Variants in LAMA2 observed in about 807,000 individuals in gnomAD.
LAMA2 encodes the protein laminin subunit alpha-2.
LAMA2 carries 269 observed loss-of-function variants against 364.8 expected under a neutral mutation model. That is an observed-to-expected ratio of 0.74 (90% CI 0.67 to 0.82). LAMA2 has a LOEUF of 0.82. Ranked by LOEUF, LAMA2 falls within the 40% of genes least tolerant of loss-of-function variation. The pLI, the probability that LAMA2 is intolerant of heterozygous loss-of-function variation, is 0.00. For missense variants in LAMA2, 3,807 were observed against 3,873.2 expected, an observed-to-expected ratio of 0.98 and a Z score of 0.45; for synonymous variants, 1,379 against 1,370.6, an observed-to-expected ratio of 1.01 and a Z score of -0.14.
chr6:129,295,947 G>C (rs188359803), intron 20 of LAMA2, among the ~76,000 whole-genome samples: 52 of 151,642 alleles, frequency 3.4e-4, no homozygotes, highest in African/African-American at 1.2e-3. Flanking sequence ...TAGTCTTTTT[G>C]TCTATGTATT....
chr6:129,050,534 T>C (rs1787926703), intron 2 of LAMA2, among the ~76,000 whole-genome samples: 1 of 152,106 alleles, frequency 6.6e-6, no homozygotes, highest in Non-Finnish European at 1.5e-5. Flanking sequence ...AGAGAGAGGA[T>C]GGCCACAAAG....
At chr6:129,144,605 G>C (rs919315224) in intron 5 of LAMA2, among the ~76,000 whole-genome samples, 1 of 151,976 alleles carries the variant, frequency 6.6e-6, no homozygotes, top group African/African-American at 2.4e-5. Flanking sequence ...CAGTAGGGCA[G>C]AGCTGAGACG....
At chr6:129,290,772 T>G (rs1315273383) in intron 19 of LAMA2, among the ~76,000 whole-genome samples, 1 of 152,194 alleles carries the variant, frequency 6.6e-6, no homozygotes, top group Non-Finnish European at 1.5e-5. Flanking sequence ...ACTGATTTAC[T>G]CTACGTTTTA....
At chr6:129,268,736 A>G (rs2114350299) in intron 16 of LAMA2, among the ~76,000 whole-genome samples, 1 of 152,194 alleles carries the variant, frequency 6.6e-6, no homozygotes, top group South Asian at 2.1e-4. Context: ...CCTTCAAATA[A>G]CAGAGCGATC....
intron 1 of LAMA2, among the ~76,000 whole-genome samples, chr6:128,909,464 C>T (rs367622689): frequency 5.3e-5 from 8 of 150,596 alleles, no homozygotes; most frequent in Admixed American, 4.6e-4. Context: ...GCAACCCCTG[C>T]CTTTTTTTGT....
chr6:129,323,536 G>A (rs1051857720), intron 28 of LAMA2, among the ~76,000 whole-genome samples: 2 of 151,992 alleles, frequency 1.3e-5, no homozygotes, highest in East Asian at 3.9e-4. Context: ...TGCAGAAGGG[G>A]CCAGATTACC....
intron 7 of LAMA2, among the ~76,000 whole-genome samples, chr6:129,149,861 T>G (rs1446099816): frequency 2.6e-5 from 4 of 152,154 alleles, no homozygotes; most frequent in Non-Finnish European, 5.9e-5. Context: ...GTATTATAAG[T>G]AATCTAGAGA....
At chr6:129,511,492 C>T (rs1466860393) in intron 62 of LAMA2, among the ~76,000 whole-genome samples, 1 of 152,066 alleles carries the variant, frequency 6.6e-6, no homozygotes, top group South Asian at 2.1e-4. Flanking sequence ...CCAATCCAAA[C>T]CCATCAAGGT....
intron 3 of LAMA2, among the ~76,000 whole-genome samples, chr6:129,089,759 G>C (rs1190665439): frequency 6.6e-6 from 1 of 152,188 alleles, no homozygotes; most frequent in South Asian, 2.1e-4. Context: ...AAAAATGATA[G>C]CAACTTAATG....
At chr6:129,280,848 A>G (rs917921347) in intron 18 of LAMA2, among the ~76,000 whole-genome samples, 7 of 152,172 alleles carry the variant, frequency 4.6e-5, no homozygotes, top group Admixed American at 4.6e-4. Context: ...TGGTTTCAGC[A>G]CTGGAAATAG....
At chr6:129,110,663 G>A (rs141058899) in intron 4 of LAMA2, among the ~76,000 whole-genome samples, 3 of 152,132 alleles carry the variant, frequency 2.0e-5, no homozygotes, top group Non-Finnish European at 4.4e-5. Flanking sequence ...TTTTACAGAT[G>A]GAGGTGAAGG....
intron 6 of LAMA2, 94 bp downstream of exon 6, chr6:129,147,142 G>T (rs1778506850): frequency 1.2e-6 from 1 of 832,582 alleles, no homozygotes; most frequent in Non-Finnish European, 2.1e-6. Flanking sequence ...CTGTAAATGG[G>T]AGTCAGGTCC....
chr6:129,206,341 C>A (rs1782675877), intron 12 of LAMA2, among the ~76,000 whole-genome samples: 3 of 152,142 alleles, frequency 2.0e-5, no homozygotes, highest in Admixed American at 2.0e-4. Flanking sequence ...TGTTCTAGTG[C>A]CCCACTCAAG....
intron 32 of LAMA2, among the ~76,000 whole-genome samples, chr6:129,360,692 G>T (rs1406001425): frequency 6.6e-6 from 1 of 152,176 alleles, no homozygotes; most frequent in Non-Finnish European, 1.5e-5. Flanking sequence ...AACATAAAAT[G>T]GAATGTATGA....
chr6:129,430,690 C>T (rs148345503), intron 41 of LAMA2, among the ~76,000 whole-genome samples: 7 of 152,120 alleles, frequency 4.6e-5, no homozygotes, highest in African/African-American at 1.4e-4. Context: ...TAAGGCCGGG[C>T]GCAGTGGCTC....
At chr6:129,297,929 A>T in intron 21 of LAMA2, 64 bp downstream of exon 21, 3 of 1,382,658 alleles carry the variant, frequency 2.2e-6, no homozygotes, top group Non-Finnish European at 3.1e-6. Context: ...GACTTCTGTA[A>T]CAGTTTGTTC....
chr6:129,049,791 C>A, intron 1 of LAMA2, 127 bp from the exon 2 acceptor site: 1 of 762,298 alleles, frequency 1.3e-6, no homozygotes, highest in Non-Finnish European at 2.3e-6. Flanking sequence ...AGGTATTTAT[C>A]ATTAATTATC....
intron 35 of LAMA2, among the ~76,000 whole-genome samples, chr6:129,387,122 T>C (rs1026778057): frequency 2.6e-5 from 4 of 152,212 alleles, no homozygotes; most frequent in Admixed American, 1.3e-4. Context: ...GTATGTGTTA[T>C]ATGTTTTGAT....
At chr6:129,114,736 C>A (rs1300677133) in intron 4 of LAMA2, among the ~76,000 whole-genome samples, 2 of 151,910 alleles carry the variant, frequency 1.3e-5, no homozygotes, top group African/African-American at 2.4e-5. Context: ...AGGGAGAGGG[C>A]CATGACCTAC....
Sources: allele counts gnomAD v4.1 joint callset (sites outside exome capture counted in the v4.1 genomes callset), GRCh38; gene constraint gnomAD v4.1.1; transcripts MANE v1.5; gene names NCBI Gene and HGNC (gene_info 2026-07-23, HGNC 2026-07-21).